Variants in NBEAL1 observed in about 807,000 individuals in gnomAD.
NBEAL1 encodes neurobeachin like 1.
Under a neutral mutation model 351.3 loss-of-function variants are expected in NBEAL1, and 273 were observed. That is an observed-to-expected ratio of 0.78 (90% confidence interval 0.70 to 0.86). The LOEUF is 0.86. Ranked by LOEUF, NBEAL1 falls within the 40% of genes least tolerant of loss-of-function variation. The probability of loss-of-function intolerance (pLI) is 0.00; values close to 1 mark genes in which losing one functional copy is unlikely to be tolerated. For synonymous variants in NBEAL1, 1,050 were observed against 1,086.4 expected (o/e 0.97, Z 0.66); for missense variants, 2,961 against 3,201.3 (o/e 0.92, Z 1.81).
At chr2:203,157,646 C>T (rs2063831531) in intron 35 of NBEAL1, 53 bp from the exon 36 acceptor site, 5 of 1,367,042 alleles carry the variant, frequency 3.7e-6, no homozygotes, top group South Asian at 1.6e-5. Flanking sequence ...TACAGAAAGG[C>T]TATAATATTG....
chr2:203,093,790 G>A (rs1007943660), intron 10 of NBEAL1, among the ~76,000 whole-genome samples: 17 of 152,082 alleles, frequency 1.1e-4, no homozygotes, highest in African/African-American at 4.1e-4. Context: ...GAAGGTTGCA[G>A]TGAGCCATCA....
chr2:203,096,237 TTCAAAC>T (rs540491573), intron 10 of NBEAL1, among the ~76,000 whole-genome samples: 38 of 152,318 alleles, frequency 2.5e-4, no homozygotes, highest in African/African-American at 8.9e-4. Context: ...AGAACCAAAA[TTCAAAC>T]TCAGGTCTCT....
At chr2:203,116,524 C>T (rs2062701273) in intron 18 of NBEAL1, among the ~76,000 whole-genome samples, 1 of 151,774 alleles carries the variant, frequency 6.6e-6, no homozygotes, top group African/African-American at 2.4e-5. Flanking sequence ...CTTGTAATCC[C>T]AGCACTTTGG....
At chr2:203,197,522 G>A (rs932902892) in intron 48 of NBEAL1, 131 bp downstream of exon 48, 12 of 538,434 alleles carry the variant, frequency 2.2e-5, no homozygotes, top group East Asian at 6.3e-5. Flanking sequence ...TAATCCCAGC[G>A]CTTTGGGAGG....
intron 23 of NBEAL1, 87 bp from the exon 24 acceptor site, chr2:203,127,694 C>T (rs779700020): frequency 2.2e-5 from 18 of 801,956 alleles, no homozygotes; most frequent in Non-Finnish European, 3.3e-5. Flanking sequence ...TGCACTCCAG[C>T]CTGGGCAACA....
chr2:203,074,743 A>C (rs2061741704), intron 7 of NBEAL1: 1 of 170,054 alleles, frequency 5.9e-6, no homozygotes, highest in East Asian at 1.5e-4. Context: ...AGGCAGTCTA[A>C]CATATGCCTT....
At position 203,127,835 on chromosome 2, in the gene NBEAL1, T is replaced by C; in HGVS notation, c.3303T>C (p.Thr1101=). The C allele has an allele frequency of 6.5e-7, 1 of 1,537,696 alleles. No individual in the cohort carries two copies. The highest frequency in any genetic ancestry group is 1.7e-4 in the Middle Eastern group (1 of 5,924). Residue 1101 remains threonine, a synonymous_variant, in exon 24 of 56, where the codon ACT becomes ACC. Coordinates refer to ENST00000683969, the MANE Select transcript of NBEAL1 (RefSeq NM_001378026.1). ...LSLDDIRTIR[T]SLYGLIKYFL... ...TAGATGATATTCGAACAATAAGGAC[T>C]TCTTTGTATGGACTAATTAAATATT...
chr2:203,052,566 G>T (rs2106080200), intron 4 of NBEAL1: 1 of 152,052 alleles, frequency 6.6e-6, no homozygotes, highest in Non-Finnish European at 1.5e-5. Flanking sequence ...TTGTTTGTTT[G>T]TTTGTTTGTT....
At chr2:203,139,168 CAT>C (rs1188589322) in intron 31 of NBEAL1, among the ~76,000 whole-genome samples, 2 of 151,772 alleles carry the variant, frequency 1.3e-5, no homozygotes, top group Non-Finnish European at 2.9e-5. Context: ...CATTTTATCT[CAT>C]ATTTTTTTTT....
chr2:203,054,497 T>G (rs1227751379), intron 4 of NBEAL1, among the ~76,000 whole-genome samples: 1 of 152,100 alleles, frequency 6.6e-6, no homozygotes, highest in African/African-American at 2.4e-5. Flanking sequence ...CTCGAATTCC[T>G]GGATTCATGC....
chr2:203,140,843 G>T (rs1360171804), intron 31 of NBEAL1, among the ~76,000 whole-genome samples: 2 of 152,068 alleles, frequency 1.3e-5, no homozygotes, highest in Non-Finnish European at 2.9e-5. Context: ...TTTGAGACAA[G>T]CCTGGCCATC....
chr2:203,086,238 T>C (rs569316154), intron 10 of NBEAL1: 5 of 152,246 alleles, frequency 3.3e-5, no homozygotes, highest in Non-Finnish European at 7.3e-5. Context: ...CATCTTCTTT[T>C]CTACCTTGAT....
chr2:203,014,867 C>G (rs1212897149), upstream of NBEAL1: 1 of 152,458 alleles, frequency 6.6e-6, no homozygotes, highest in African/African-American at 2.4e-5. Context: ...GCCCCGCCCC[C>G]ATGTCCCGCC....
chr2:203,199,009 G>C (rs1305996124), intron 48 of NBEAL1, among the ~76,000 whole-genome samples: 2 of 151,056 alleles, frequency 1.3e-5, no homozygotes, highest in African/African-American at 2.4e-5. Context: ...GCAACATGGT[G>C]AAACCATGTC....
intron 2 of NBEAL1, among the ~76,000 whole-genome samples, chr2:203,023,204 T>C (rs1247457433): frequency 6.6e-6 from 1 of 152,220 alleles, no homozygotes; most frequent in Non-Finnish European, 1.5e-5. Flanking sequence ...GACCAATACA[T>C]ATCAACCCTT....
At chr2:203,072,529 G>T (rs981928085) in intron 7 of NBEAL1, among the ~76,000 whole-genome samples, 3 of 151,896 alleles carry the variant, frequency 2.0e-5, no homozygotes, top group African/African-American at 4.8e-5. Context: ...TTAACTATAA[G>T]CAGTCAGAAG....
Position 203,113,280 on chromosome 2 carries a change from C to G in NBEAL1, c.2468C>G (p.Pro823Arg), listed in dbSNP as rs1226024342. The change falls in exon 17 of 56, where the codon CCA (proline) becomes CGA (arginine). Residue 823 changes from proline (P) to arginine (R), a missense_variant. Physicochemically the swap from Pro to Arg is moderately radical, Grantham distance 103. Transcript: ENST00000683969. ...GGATCTGTTATCATCTTTTATGAAC[C>G]ACTACAACCTCCTCAGGTGAAGGCA... Reference protein sequence around the residue: ...QLGSVIIFYEPLQPPQVKALY... With the variant: ...QLGSVIIFYERLQPPQVKALY... 4.8e-6 allele frequency: 7 copies of G among 1,462,266 alleles called. No individual in the cohort carries two copies. Among genetic ancestry groups the G allele is most frequent in the Non-Finnish European group, 6.3e-6 (7 of 1,104,638 alleles). 90.6% of individuals were successfully genotyped at this position (1,462,266 alleles called of 1,614,324 possible).
At chr2:203,019,464 T>C (rs146687418) in intron 2 of NBEAL1, among the ~76,000 whole-genome samples, 1 of 152,344 alleles carries the variant, frequency 6.6e-6, no homozygotes, top group African/African-American at 2.4e-5. Flanking sequence ...AAGTCCATCT[T>C]TAATGATTAA....
intron 10 of NBEAL1, among the ~76,000 whole-genome samples, chr2:203,087,407 C>G (rs1279909185): frequency 2.0e-5 from 3 of 151,924 alleles, no homozygotes; most frequent in African/African-American, 4.8e-5. Flanking sequence ...CACCCTTATC[C>G]CCTTCTACAT....
Sources: gnomAD v4.1 joint callset for allele counts (sites outside exome capture counted in the v4.1 genomes callset) on GRCh38, gnomAD v4.1.1 for gene constraint, MANE v1.5 for transcripts, NCBI Gene and HGNC (gene_info 2026-07-23, HGNC 2026-07-21) for gene names.